Variants in HMGCLL1 observed in about 807,000 individuals in gnomAD.
HMGCLL1 encodes the protein 3-hydroxymethyl-3-methylglutaryl-CoA lyase, cytoplasmic.
Under a neutral mutation model 39.1 loss-of-function variants are expected in HMGCLL1, and 36 were observed. The observed-to-expected ratio is 0.92, with a 90% CI of 0.71 to 1.22. The LOEUF (loss-of-function observed/expected upper bound fraction) is 1.22, where lower values mean the gene tolerates loss of function less well. HMGCLL1 is among the 50% of genes most tolerant of loss of function. The pLI, the probability that HMGCLL1 is intolerant of heterozygous loss-of-function variation, is 0.00. For synonymous variants in HMGCLL1, 149 were observed against 144.0 expected, an observed-to-expected ratio of 1.03 and a Z score of -0.25; for missense variants, 451 against 416.5, an observed-to-expected ratio of 1.08 and a Z score of -0.72.
the HMGCLL1 span, among the ~76,000 whole-genome samples, chr6:55,609,905 G>T: frequency 2.0e-5 from 3 of 152,170 alleles, 1 homozygote; most frequent in South Asian, 4.2e-4. Flanking sequence ...GATGAACAGG[G>T]CCCGAAGTGA....
At chr6:55,568,511 G>A (rs1771320018) in intron 1 of HMGCLL1, among the ~76,000 whole-genome samples, 2 of 152,078 alleles carry the variant, frequency 1.3e-5, no homozygotes, top group Admixed American at 6.6e-5. Flanking sequence ...CTGTTTAAAG[G>A]CATTCAAGTT....
the HMGCLL1 span, among the ~76,000 whole-genome samples, chr6:55,589,550 A>T: frequency 1.3e-5 from 2 of 152,166 alleles, no homozygotes; most frequent in Non-Finnish European, 2.9e-5. Context: ...AGTTCTGGCC[A>T]GGGCAATTAG....
chr6:55,522,696 T>A (rs78679288), intron 3 of HMGCLL1, among the ~76,000 whole-genome samples: 1 of 152,032 alleles, frequency 6.6e-6, no homozygotes, highest in African/African-American at 2.4e-5. Context: ...AATTCTCTCA[T>A]ACCCATTTAT....
chr6:55,627,050 A>AC, the HMGCLL1 span, among the ~76,000 whole-genome samples: 1 of 4,378 alleles, frequency 2.3e-4, no homozygotes, highest in African/African-American at 4.5e-4. Context: ...ACTCCACCAG[A>AC]AAAAAAAAAA....
chr6:55,437,220 G>A (rs192505930), intron 8 of HMGCLL1, among the ~76,000 whole-genome samples: 32 of 151,878 alleles, frequency 2.1e-4, no homozygotes, highest in East Asian at 9.7e-4. Context: ...ATCATTTGTC[G>A]GGTGCTTAAA....
At chr6:55,548,612 T>G (rs918167822) in intron 1 of HMGCLL1, among the ~76,000 whole-genome samples, 1 of 152,036 alleles carries the variant, frequency 6.6e-6, no homozygotes, top group African/African-American at 2.4e-5. Flanking sequence ...ACTTACTACT[T>G]AAATAAATTC....
chr6:55,637,431 C>T, the HMGCLL1 span, among the ~76,000 whole-genome samples: 2 of 132,582 alleles, frequency 1.5e-5, no homozygotes, highest in Non-Finnish European at 1.6e-5. Context: ...CTCATGTTCA[C>T]GAAAAATTGG....
chr6:55,534,949 T>A (rs1768928092), intron 3 of HMGCLL1, among the ~76,000 whole-genome samples: 1 of 152,186 alleles, frequency 6.6e-6, no homozygotes, highest in Non-Finnish European at 1.5e-5. Flanking sequence ...TTAGACCGAT[T>A]GAAGCAATGT....
chr6:55,586,466 A>G, the HMGCLL1 span, among the ~76,000 whole-genome samples: 12,892 of 151,846 alleles, frequency 0.085, 740 homozygotes, highest in Non-Finnish European at 0.13. Context: ...ACATATGTAT[A>G]TATGTGCCAT....
the HMGCLL1 span, among the ~76,000 whole-genome samples, chr6:55,635,892 G>A: frequency 2.6e-4 from 39 of 152,250 alleles, no homozygotes; most frequent in Non-Finnish European, 4.1e-4. Context: ...ACTTGGTAGC[G>A]GCCATGAGAG....
chr6:55,545,845 A>AT (rs1554157349), intron 1 of HMGCLL1, among the ~76,000 whole-genome samples: 3 of 152,156 alleles, frequency 2.0e-5, no homozygotes, highest in Non-Finnish European at 4.4e-5. Context: ...GAGACTAAAG[A>AT]TCAGTAAGAG....
At position 55,484,621 on chromosome 6, in the gene HMGCLL1, G is replaced by A. The variant is rs146092551; in HGVS notation, c.795+10798C>T. 3.3e-5 allele frequency among the ~76,000 whole-genome samples: 5 copies of A among 151,956 alleles called. No individual in the cohort carries two copies. In the East Asian group the frequency reaches 7.8e-4, roughly 24 times the overall value. On this transcript the variant is annotated intron_variant, in intron 7 of 8. Transcript: ENST00000274901. ...GGTTGATGGCAGTTTCATCCTTCCA[G>A]TTGCTCACTCGAATGTCTTTGTGAT...
At chr6:55,573,066 G>A (rs1425115872) in intron 1 of HMGCLL1, among the ~76,000 whole-genome samples, 2 of 152,172 alleles carry the variant, frequency 1.3e-5, no homozygotes, top group African/African-American at 2.4e-5. Flanking sequence ...CAGCAAGGAG[G>A]AGCAACCCTG....
chr6:55,513,622 T>C (rs1767579084), intron 5 of HMGCLL1: 1 of 167,124 alleles, frequency 6.0e-6, no homozygotes, highest in Non-Finnish European at 1.3e-5. Context: ...TGTATTCTAT[T>C]GAAGTTCTAC....
chr6:55,629,734 A>G, the HMGCLL1 span, among the ~76,000 whole-genome samples: 35 of 152,154 alleles, frequency 2.3e-4, no homozygotes, highest in Non-Finnish European at 3.7e-4. Flanking sequence ...CACTCTAGAC[A>G]TGGCTGAAAG....
chr6:55,566,543 C>T (rs1191419687), intron 1 of HMGCLL1: 8 of 452,332 alleles, frequency 1.8e-5, no homozygotes, highest in Middle Eastern at 3.3e-4. Context: ...AATCCTAAAC[C>T]GGAGACCATA....
intron 3 of HMGCLL1, among the ~76,000 whole-genome samples, chr6:55,528,828 A>G (rs1581902809): frequency 6.6e-6 from 1 of 151,944 alleles, no homozygotes; most frequent in East Asian, 1.9e-4. Flanking sequence ...CTATGGGGTG[A>G]AATGCCTACA....
At chr6:55,581,308 A>G (rs1016646214), upstream of HMGCLL1, among the ~76,000 whole-genome samples, 1 of 152,172 alleles carries the variant, frequency 6.6e-6, no homozygotes, top group Non-Finnish European at 1.5e-5. Flanking sequence ...TCTTATAAAT[A>G]TAAAAGTATT....
At chr6:55,588,569 G>A in the HMGCLL1 span, among the ~76,000 whole-genome samples, 1 of 151,964 alleles carries the variant, frequency 6.6e-6, no homozygotes, top group Non-Finnish European at 1.5e-5. Context: ...CAGAACTGAA[G>A]GAGTTAGAGA....
Sources: allele counts gnomAD v4.1 joint callset (sites outside exome capture counted in the v4.1 genomes callset), GRCh38; gene constraint gnomAD v4.1.1; transcripts MANE v1.5; gene names NCBI Gene and HGNC (gene_info 2026-07-23, HGNC 2026-07-21).